Variants in CLVS1 observed in about 807,000 individuals in gnomAD.
CLVS1 encodes clavesin 1.
Under a neutral mutation model 33.1 loss-of-function variants are expected in CLVS1, and 10 were observed. The observed-to-expected ratio is 0.30, with a 90% CI of 0.19 to 0.51. The LOEUF (loss-of-function observed/expected upper bound fraction) is 0.51, where lower values mean the gene tolerates loss of function less well. Among genes scored for constraint, CLVS1 ranks in the 20% least tolerant of loss-of-function variants. The probability of loss-of-function intolerance (pLI) is 0.97; values close to 1 mark genes in which losing one functional copy is unlikely to be tolerated. For synonymous variants in CLVS1, 163 were observed against 166.1 expected (o/e 0.98, Z 0.14); for missense variants, 343 against 433.4 (o/e 0.79, Z 1.85).
chr8:61,253,061 G>C (rs1465234538), intron 2 of CLVS1, among the ~76,000 whole-genome samples: 2 of 152,152 alleles, frequency 1.3e-5, no homozygotes, highest in Non-Finnish European at 2.9e-5. Flanking sequence ...GCTGGTACTG[G>C]TTTTTCCTTT....
chr8:61,057,390 A>G (rs965713720), intron 1 of CLVS1, among the ~76,000 whole-genome samples: 4 of 150,522 alleles, frequency 2.7e-5, no homozygotes, highest in Non-Finnish European at 1.5e-5. Flanking sequence ...ACACACACAC[A>G]CACACACACA....
intron 2 of CLVS1, among the ~76,000 whole-genome samples, chr8:61,152,302 G>A (rs940355751): frequency 6.6e-6 from 1 of 152,080 alleles, no homozygotes; most frequent in Non-Finnish European, 1.5e-5. Flanking sequence ...GTATGGGCAT[G>A]GATCCCATCA....
chr8:61,063,292 A>AGG (rs1804617679), intron 1 of CLVS1, among the ~76,000 whole-genome samples: 1 of 102,022 alleles, frequency 9.8e-6, no homozygotes, highest in South Asian at 2.8e-4. Context: ...AGAGAGAGAG[A>AGG]GATAGAGAGA....
At chr8:61,357,494 CTTTTTTTTTTTTTTT>C (rs1167743712) in intron 2 of CLVS1, among the ~76,000 whole-genome samples, 6 of 25,810 alleles carry the variant, frequency 2.3e-4, no homozygotes, top group African/African-American at 5.9e-4. Flanking sequence ...TTTTTCTTTT[CTTTTTTTTTTTTTTT>C]TTTTTTTTTT....
At chr8:61,488,088 G>A (rs1231830452) in intron 5 of CLVS1, among the ~76,000 whole-genome samples, 1 of 152,158 alleles carries the variant, frequency 6.6e-6, no homozygotes, top group African/African-American at 2.4e-5. Flanking sequence ...AGCACCTGTA[G>A]TCATTTTCTG....
upstream of CLVS1, among the ~76,000 whole-genome samples, chr8:61,056,278 A>C (rs570635842): frequency 3.3e-5 from 5 of 152,304 alleles, no homozygotes; most frequent in East Asian, 9.6e-4. Flanking sequence ...AGGTCCCAAA[A>C]AACGGAGTAA....
chr8:61,048,767 G>A, the CLVS1 span, among the ~76,000 whole-genome samples: 3 of 152,098 alleles, frequency 2.0e-5, no homozygotes, highest in African/African-American at 7.2e-5. Context: ...GACAAGGCTA[G>A]ACTCTACCTG....
chr8:61,172,672 T>C (rs1030274537), intron 2 of CLVS1, among the ~76,000 whole-genome samples: 3 of 152,156 alleles, frequency 2.0e-5, no homozygotes, highest in Admixed American at 2.0e-4. Context: ...ATACGAATCT[T>C]TAAAATGTGC....
At chr8:61,128,574 G>A (rs1193660338) in intron 1 of CLVS1, among the ~76,000 whole-genome samples, 1 of 152,338 alleles carries the variant, frequency 6.6e-6, no homozygotes, top group South Asian at 2.1e-4. Context: ...GGGTCCAGGG[G>A]AGAGCAGGAC....
At chr8:61,086,428 G>A (rs975492899) in intron 1 of CLVS1, among the ~76,000 whole-genome samples, 24 of 152,134 alleles carry the variant, frequency 1.6e-4, no homozygotes, top group African/African-American at 5.8e-4. Flanking sequence ...ATAGTTTTCT[G>A]CACAAACATT....
chr8:61,011,840 G>A, the CLVS1 span, among the ~76,000 whole-genome samples: 2 of 152,216 alleles, frequency 1.3e-5, no homozygotes, highest in African/African-American at 4.8e-5. Context: ...GTAGAAGACT[G>A]TAACAAAGTA....
intron 2 of CLVS1, among the ~76,000 whole-genome samples, chr8:61,334,973 G>A (rs1375330745): frequency 6.6e-6 from 1 of 152,176 alleles, no homozygotes; most frequent in African/African-American, 2.4e-5. Flanking sequence ...AGGATAATTT[G>A]GTAGGTAGGG....
chr8:61,288,259 A>ATCCCTCTGCAC (rs1563478430), intron 1 of CLVS1, 121 bp downstream of exon 1: 1 of 456,144 alleles, frequency 2.2e-6, no homozygotes, highest in Non-Finnish European at 4.4e-6. Flanking sequence ...CCCATCTGCA[A>ATCCCTCTGCAC]TCCCTCTGCA....
intron 2 of CLVS1, among the ~76,000 whole-genome samples, chr8:61,152,394 C>G (rs1021790744): frequency 1.3e-5 from 2 of 152,184 alleles, no homozygotes; most frequent in Non-Finnish European, 2.9e-5. Flanking sequence ...CAAAATACCA[C>G]TGCATGGGGA....
intron 2 of CLVS1, among the ~76,000 whole-genome samples, chr8:61,255,951 G>T (rs1337001514): frequency 1.3e-5 from 2 of 151,958 alleles, no homozygotes; most frequent in African/African-American, 4.8e-5. Context: ...TTTTTTATAT[G>T]ATAAAATATA....
chr8:60,982,359 C>T, the CLVS1 span, among the ~76,000 whole-genome samples: 1 of 152,146 alleles, frequency 6.6e-6, no homozygotes, highest in African/African-American at 2.4e-5. Flanking sequence ...TACATTTAAC[C>T]AGATGCTGGA....
chr8:61,166,404 G>T (rs957883985), intron 2 of CLVS1, among the ~76,000 whole-genome samples: 2 of 152,026 alleles, frequency 1.3e-5, no homozygotes, highest in Non-Finnish European at 2.9e-5. Flanking sequence ...GAAGTGCTGG[G>T]ATTACACGTG....
chr8:61,311,958 A>G (rs1810846851), intron 2 of CLVS1, among the ~76,000 whole-genome samples: 1 of 152,224 alleles, frequency 6.6e-6, no homozygotes, highest in African/African-American at 2.4e-5. Context: ...CGTTTTAAAA[A>G]CACAATGTTG....
At chr8:61,154,217 T>TTTTG (rs796552651) in intron 2 of CLVS1, among the ~76,000 whole-genome samples, 1 of 151,806 alleles carries the variant, frequency 6.6e-6, no homozygotes, top group Non-Finnish European at 1.5e-5. Context: ...TTTTGTTTTT[T>TTTTG]TTTGTTTGTT....
Sources: allele counts gnomAD v4.1 joint callset (sites outside exome capture counted in the v4.1 genomes callset), GRCh38; gene constraint gnomAD v4.1.1; transcripts MANE v1.5; gene names NCBI Gene and HGNC (gene_info 2026-07-23, HGNC 2026-07-21).